Variants in SPATA13 observed in about 807,000 individuals in gnomAD.
SPATA13 encodes spermatogenesis-associated protein 13.
SPATA13 carries 50 observed loss-of-function variants against 104.0 expected under a neutral mutation model. The ratio of observed to expected loss-of-function variants is 0.48; its 90% CI spans 0.38 to 0.61. The LOEUF (loss-of-function observed/expected upper bound fraction) is 0.61. SPATA13 is among the 20% of genes least tolerant of loss of function. The pLI is 0.00. For missense variants in SPATA13, 1,524 were observed against 1,690.6 expected (o/e 0.90, Z 1.73); for synonymous variants, 606 against 667.5 (o/e 0.91, Z 1.42).
intron 2 of SPATA13, among the ~76,000 whole-genome samples, chr13:24,231,026 A>T (rs977050384): frequency 6.6e-6 from 1 of 152,164 alleles, no homozygotes; most frequent in Non-Finnish European, 1.5e-5. Flanking sequence ...GTGTGCAGCC[A>T]CTACCACCGT....
chr13:24,037,932 A>G (rs574896870), intron 3 of SPATA13, among the ~76,000 whole-genome samples: 35 of 151,106 alleles, frequency 2.3e-4, no homozygotes, highest in Admixed American at 7.9e-4. Flanking sequence ...TTTTTTTTGA[A>G]ATGGAGTCTC....
chr13:24,289,854 TAAC>T (rs1876212269), intron 8 of SPATA13, among the ~76,000 whole-genome samples: 1 of 152,222 alleles, frequency 6.6e-6, no homozygotes, highest in South Asian at 2.1e-4. Context: ...GTAATAATAA[TAAC>T]AATGACAGCC....
intron 4 of SPATA13, among the ~76,000 whole-genome samples, chr13:24,262,300 GTTTT>G (rs147138303): frequency 7.1e-6 from 1 of 141,660 alleles, no homozygotes; most frequent in African/African-American, 2.6e-5. Context: ...TTAAAACAAA[GTTTT>G]TTTTCTTTTT....
At chr13:24,075,083 A>G (rs1174185564) in intron 3 of SPATA13, among the ~76,000 whole-genome samples, 1 of 152,232 alleles carries the variant, frequency 6.6e-6, no homozygotes, top group Non-Finnish European at 1.5e-5. Flanking sequence ...TTTAGGCCAT[A>G]CTTAACTGAA....
In SPATA13 at chr13:24,276,045, T is replaced by C. The variant is rs115643862; in HGVS notation, c.2165-8090T>C. On this transcript the variant is annotated intron_variant, in intron 4 of 12. Transcript: ENST00000382108. Reference sequence around the variant, plus strand: ...CTGTTGCGCACTGTTGGTGGGAATGTGAAATGATGCAGCCATGTGGAAAAC... The same window carrying C: ...CTGTTGCGCACTGTTGGTGGGAATGCGAAATGATGCAGCCATGTGGAAAAC... 6.9e-3 allele frequency among the ~76,000 whole-genome samples: 1,048 copies of C among 152,244 alleles called. 15 individuals are homozygous for C. Among genetic ancestry groups the C allele is most frequent in the African/African-American group, 0.024 (1,002 of 41,536 alleles).
At chr13:24,271,040 C>A in intron 4 of SPATA13, 1 of 695,556 alleles carries the variant, frequency 1.4e-6, no homozygotes, top group Admixed American at 2.1e-5. Flanking sequence ...CTCTCTCTCT[C>A]ACTCTCTCTC....
At chr13:24,103,221 C>T (rs1324695698) in intron 3 of SPATA13, among the ~76,000 whole-genome samples, 2 of 152,130 alleles carry the variant, frequency 1.3e-5, no homozygotes, top group African/African-American at 2.4e-5. Context: ...CCTACATATT[C>T]CACAGATGCT....
chr13:24,010,976 C>T (rs1876447398), intron 2 of SPATA13, among the ~76,000 whole-genome samples: 2 of 152,044 alleles, frequency 1.3e-5, no homozygotes, highest in South Asian at 4.1e-4. Flanking sequence ...TCGGATTGTC[C>T]TAGAGGAATG....
rs1282360256 is a variant in SPATA13, at chr13:24,233,786, G to A, written c.1653+9204G>A. On this transcript the variant is annotated intron_variant, in intron 2 of 12. Coordinates refer to ENST00000382108, the MANE Select transcript of SPATA13 (RefSeq NM_001166271.3). Reference sequence around the variant, plus strand: ...AACCGGCAAATTATGTACTTGTGAAGTTCTAGCCAGAGTGAGGACCCCCTG... The same window carrying A: ...AACCGGCAAATTATGTACTTGTGAAATTCTAGCCAGAGTGAGGACCCCCTG... Among the ~76,000 whole-genome samples the A allele has an allele frequency of 3.3e-5, 5 of 152,026 alleles. No homozygotes were observed. In the East Asian group the frequency reaches 9.6e-4, roughly 29 times the overall value.
At chr13:24,190,290 ATAT>A (rs1189038305) in intron 1 of SPATA13, among the ~76,000 whole-genome samples, 19 of 1,136 alleles carry the variant, frequency 0.017, 5 homozygotes, top group African/African-American at 0.018. Flanking sequence ...ATAATATATA[ATAT>A]TATATATTAT....
chr13:24,275,450 C>A lies in SPATA13; in HGVS notation c.2165-8685C>A, dbSNP rs548805918. ...TTGGAATTGTCCCCAGTCAGAGAGG[C>A]GCTGATGGTCAGCACGCAGTTTTGA... On this transcript the variant is annotated intron_variant, in intron 4 of 12. Coordinates refer to ENST00000382108, the MANE Select transcript of SPATA13 (RefSeq NM_001166271.3). Among the ~76,000 whole-genome samples, 6 of 152,314 alleles carry A rather than the reference C, an allele frequency of 3.9e-5. No individual in the cohort carries two copies. The South Asian group carries it at 1.2e-3, about 32-fold the overall frequency.
chr13:23,985,310 G>A (rs1314831070), intron 2 of SPATA13, among the ~76,000 whole-genome samples: 2 of 152,244 alleles, frequency 1.3e-5, no homozygotes, highest in Non-Finnish European at 2.9e-5. Flanking sequence ...TTATGATCCT[G>A]CTGAGGGTGA....
intron 11 of SPATA13, among the ~76,000 whole-genome samples, chr13:24,299,151 T>C (rs1161959408): frequency 6.6e-6 from 1 of 152,244 alleles, no homozygotes; most frequent in African/African-American, 2.4e-5. Context: ...TATGACGTTG[T>C]CTAGCGCAGG....
chr13:24,250,045 AT>A (rs1331435030), intron 3 of SPATA13, among the ~76,000 whole-genome samples: 2 of 152,206 alleles, frequency 1.3e-5, no homozygotes, highest in East Asian at 3.9e-4. Flanking sequence ...CCTTTTGCTA[AT>A]CTTTCTTTCC....
chr13:24,064,996 G>GACTAAGGAA (rs61198710), intron 3 of SPATA13, among the ~76,000 whole-genome samples: 7 of 151,714 alleles, frequency 4.6e-5, no homozygotes, highest in East Asian at 3.9e-4. Context: ...GGCCACAGGA[G>GACTAAGGAA]CCAGGATAAT....
At chr13:24,091,434 G>A (rs75391465) in intron 3 of SPATA13, among the ~76,000 whole-genome samples, 11,998 of 152,306 alleles carry the variant, frequency 0.079, 559 homozygotes, top group African/African-American at 0.12. Context: ...GCCATTAATA[G>A]TGTTTGACAA....
At chr13:24,289,977 C>T (rs141750242) in intron 8 of SPATA13, among the ~76,000 whole-genome samples, 58 of 152,304 alleles carry the variant, frequency 3.8e-4, no homozygotes, top group Middle Eastern at 6.8e-3. Context: ...AGTTAGTCAG[C>T]TGGAGGCTGG....
intron 1 of SPATA13, among the ~76,000 whole-genome samples, chr13:24,188,406 G>A (rs749162468): frequency 1.3e-5 from 2 of 151,998 alleles, no homozygotes; most frequent in East Asian, 1.9e-4. Context: ...CAGCCTTATC[G>A]CTGATATTGA....
intron 3 of SPATA13, among the ~76,000 whole-genome samples, chr13:24,068,777 G>C (rs1879057370): frequency 6.6e-6 from 1 of 152,138 alleles, no homozygotes; most frequent in African/African-American, 2.4e-5. Flanking sequence ...GTGGTATTGA[G>C]CTCTTTTTCA....
Sources: gnomAD v4.1 joint callset for allele counts (sites outside exome capture counted in the v4.1 genomes callset) on GRCh38, gnomAD v4.1.1 for gene constraint, MANE v1.5 for transcripts, NCBI Gene and HGNC (gene_info 2026-07-23, HGNC 2026-07-21) for gene names.